The following CHCHD6 variants were observed in gnomAD, a reference collection of about 807,000 sequenced individuals.
CHCHD6 encodes the protein coiled-coil-helix-coiled-coil-helix domain containing 6.
A neutral mutation model predicts 32.3 loss-of-function variants in CHCHD6; 28 were observed. The observed-to-expected ratio is 0.87, with a 90% CI of 0.64 to 1.19. The LOEUF (loss-of-function observed/expected upper bound fraction) is 1.19, where lower values mean the gene tolerates loss of function less well. Ranked by LOEUF, CHCHD6 falls within the 50% of genes most tolerant of loss-of-function variation. The pLI is 0.00. For synonymous variants in CHCHD6, 122 were observed against 117.5 expected (o/e 1.04, Z -0.25); for missense variants, 333 against 307.0 (o/e 1.08, Z -0.63).
Position 126,727,311 on chromosome 3 carries a change from T to A in CHCHD6, c.196+125T>A, listed in dbSNP as rs1032254105. 34 of 571,180 alleles carry A rather than the reference T, an allele frequency of 6.0e-5. 1 individual carries two copies. Among genetic ancestry groups the A allele is most frequent in the Non-Finnish European group, 9.8e-5 (32 of 325,818 alleles). The allele number at this position is 571,180 out of a possible 1,614,324, so 35.4% of individuals were successfully genotyped here. On this transcript the variant is annotated intron_variant, in intron 2 of 7. Coordinates refer to ENST00000290913, the MANE Select transcript of CHCHD6 (RefSeq NM_032343.3). ...GCTTCTGGATGACGTTAAGCAGCTCTGTCTGGTAAGGGCTTTCCGGAAGAG... is the reference window on the plus strand; with the variant it reads ...GCTTCTGGATGACGTTAAGCAGCTCAGTCTGGTAAGGGCTTTCCGGAAGAG...
intron 5 of CHCHD6, among the ~76,000 whole-genome samples, chr3:126,871,409 G>C (rs1406056054): frequency 2.6e-5 from 4 of 152,040 alleles, no homozygotes; most frequent in African/African-American, 9.7e-5. Context: ...TTAGGCATGG[G>C]TGCTTCTACG....
chr3:126,941,105 T>C (rs1268974553), intron 6 of CHCHD6, among the ~76,000 whole-genome samples: 1 of 152,260 alleles, frequency 6.6e-6, no homozygotes, highest in South Asian at 2.1e-4. Context: ...AGTGAAGGTC[T>C]ATAATCGTAT....
At chr3:126,895,841 G>A (rs1027759347) in intron 5 of CHCHD6, among the ~76,000 whole-genome samples, 12 of 152,190 alleles carry the variant, frequency 7.9e-5, no homozygotes, top group African/African-American at 2.7e-4. Context: ...AAGGCCTTAG[G>A]GCAGCAGCTG....
At chr3:126,788,413 C>T (rs1348728606) in intron 4 of CHCHD6, among the ~76,000 whole-genome samples, 1 of 152,238 alleles carries the variant, frequency 6.6e-6, no homozygotes, top group African/African-American at 2.4e-5. Flanking sequence ...CCAGCTCCTC[C>T]TTGTACCTCT....
chr3:126,727,945 GGTCT>G (rs1333618979), intron 2 of CHCHD6, among the ~76,000 whole-genome samples: 4 of 151,982 alleles, frequency 2.6e-5, no homozygotes, highest in African/African-American at 9.7e-5. Flanking sequence ...TGAGAACTTG[GGTCT>G]GTCTATCAGA....
At chr3:126,839,067 A>G (rs572214995) in intron 4 of CHCHD6, among the ~76,000 whole-genome samples, 1 of 151,854 alleles carries the variant, frequency 6.6e-6, no homozygotes, top group South Asian at 2.1e-4. Flanking sequence ...TTTTATTTTT[A>G]ATAGTAGAGA....
At chr3:126,912,203 A>G (rs1359933313) in intron 5 of CHCHD6, among the ~76,000 whole-genome samples, 1 of 152,210 alleles carries the variant, frequency 6.6e-6, no homozygotes, top group African/African-American at 2.4e-5. Context: ...GGTCCATGCC[A>G]TCTCCTGATG....
At chr3:126,915,616 G>T (rs2107590813) in intron 6 of CHCHD6, among the ~76,000 whole-genome samples, 1 of 152,342 alleles carries the variant, frequency 6.6e-6, no homozygotes. Context: ...TCAGGGCACA[G>T]AATTGTGAGC....
chr3:126,906,267 A>G (rs2078003876), intron 5 of CHCHD6, among the ~76,000 whole-genome samples: 1 of 152,194 alleles, frequency 6.6e-6, no homozygotes, highest in Admixed American at 6.5e-5. Context: ...TCTCTGGGCC[A>G]CTGCAGCATC....
At chr3:126,743,221 G>T (rs752640673) in intron 4 of CHCHD6, among the ~76,000 whole-genome samples, 1 of 152,184 alleles carries the variant, frequency 6.6e-6, no homozygotes, top group Non-Finnish European at 1.5e-5. Flanking sequence ...TAGGAAGGGG[G>T]AGCCCAACAT....
chr3:126,834,844 A>G (rs1157354879), intron 4 of CHCHD6, among the ~76,000 whole-genome samples: 1 of 152,168 alleles, frequency 6.6e-6, no homozygotes, highest in Non-Finnish European at 1.5e-5. Context: ...TGGGTCCTTG[A>G]CAGTCGGCAA....
chr3:126,790,505 G>T (rs1938473915), intron 4 of CHCHD6, among the ~76,000 whole-genome samples: 1 of 152,100 alleles, frequency 6.6e-6, no homozygotes, highest in South Asian at 2.1e-4. Context: ...CATATTTCTT[G>T]GAGGCTTTTT....
intron 4 of CHCHD6, among the ~76,000 whole-genome samples, chr3:126,780,871 T>C (rs895577283): frequency 6.6e-6 from 1 of 152,206 alleles, no homozygotes; most frequent in Non-Finnish European, 1.5e-5. Flanking sequence ...TAGTGTGCTA[T>C]TCCACCTGTG....
chr3:126,806,898 G>A (rs1181531386), intron 4 of CHCHD6, among the ~76,000 whole-genome samples: 1 of 151,902 alleles, frequency 6.6e-6, no homozygotes, highest in African/African-American at 2.4e-5. Context: ...GTCCTTTGTA[G>A]GGACATGGAT....
chr3:126,733,203 A>G lies in CHCHD6; in HGVS notation c.392A>G (p.Glu131Gly). ...GGCGAAGGCAGCATCAGCCATGAGG[A>G]GCAGAAGTCAGTCCGGCTGGTGAGT... ...PTGEGSISHE[E>G]QKSVRLAREL... is the part of the protein sequence containing the mutation. The change falls in exon 4 of 8, where the codon GAG becomes GGG. Residue 131 changes from glutamate to glycine, a missense_variant. Transcript: ENST00000290913. The G allele has an allele frequency of 1.2e-6, 2 of 1,614,064 alleles. No individual in the cohort carries two copies. Among genetic ancestry groups the G allele is most frequent in the Non-Finnish European group, 1.7e-6 (2 of 1,179,980 alleles).
In CHCHD6 at chr3:126,938,174, G is replaced by A. The variant is rs113031493; in HGVS notation, c.567-19242G>A. Among the ~76,000 whole-genome samples the A allele has an allele frequency of 5.6e-4, 86 of 152,336 alleles. 1 individual carries two copies. Among genetic ancestry groups the A allele is most frequent in the Non-Finnish European group, 1.1e-3 (78 of 68,028 alleles). ...TTTCCATCAGGGAAATTGGCAAGGGGCCATTAGCTTGTGACTGTTGGCCTG... is the reference window on the plus strand; with the variant it reads ...TTTCCATCAGGGAAATTGGCAAGGGACCATTAGCTTGTGACTGTTGGCCTG... On this transcript the variant is annotated intron_variant, in intron 6 of 7. Transcript: ENST00000290913.
At chr3:126,944,604 C>A (rs907429615) in intron 6 of CHCHD6, among the ~76,000 whole-genome samples, 4 of 152,256 alleles carry the variant, frequency 2.6e-5, no homozygotes, top group Non-Finnish European at 5.9e-5. Flanking sequence ...AGAAGTGACA[C>A]TGGGTCAGTA....
chr3:126,707,626 C>T (rs943709677), intron 1 of CHCHD6, among the ~76,000 whole-genome samples: 1 of 152,168 alleles, frequency 6.6e-6, no homozygotes, highest in Non-Finnish European at 1.5e-5. Flanking sequence ...AGCCTTTCCC[C>T]CTTTCCCACC....
At chr3:126,778,822 C>A (rs1036829523) in intron 4 of CHCHD6, among the ~76,000 whole-genome samples, 4 of 152,250 alleles carry the variant, frequency 2.6e-5, no homozygotes, top group Admixed American at 2.0e-4. Flanking sequence ...GTAATCATAG[C>A]TCACTGCAGG....
Sources: allele counts gnomAD v4.1 joint callset (sites outside exome capture counted in the v4.1 genomes callset), GRCh38; gene constraint gnomAD v4.1.1; transcripts MANE v1.5; gene names NCBI Gene and HGNC (gene_info 2026-07-23, HGNC 2026-07-21).